Variants in AUTS2 observed in about 807,000 individuals in gnomAD.
AUTS2 encodes the protein autism susceptibility gene 2 protein.
Under a neutral mutation model 112.4 loss-of-function variants are expected in AUTS2, and 17 were observed. The observed-to-expected ratio is 0.15, with a 90% CI of 0.10 to 0.23. The LOEUF (loss-of-function observed/expected upper bound fraction) is 0.23, where lower values mean the gene tolerates loss of function less well. Ranked by LOEUF, AUTS2 falls within the 10% of genes least tolerant of loss-of-function variation. AUTS2 has a pLI of 1.00. For synonymous variants in AUTS2, 751 were observed against 702.7 expected (o/e 1.07, Z -1.09); for missense variants, 1,510 against 1,701.6 (o/e 0.89, Z 1.98).
chr7:70,307,966 T>G (rs145200731), intron 4 of AUTS2, among the ~76,000 whole-genome samples: 1 of 152,206 alleles, frequency 6.6e-6, no homozygotes, highest in Non-Finnish European at 1.5e-5. Context: ...ACCTGTTGAA[T>G]AAGTAAGTAG....
At chr7:69,760,332 G>A (rs550366362) in intron 1 of AUTS2, among the ~76,000 whole-genome samples, 8 of 151,158 alleles carry the variant, frequency 5.3e-5, no homozygotes, top group Non-Finnish European at 1.2e-4. Context: ...ATCGCACCTG[G>A]CCTCTTAATG....
At chr7:70,148,737 C>CA (rs1233781224) in intron 4 of AUTS2, among the ~76,000 whole-genome samples, 3 of 151,090 alleles carry the variant, frequency 2.0e-5, no homozygotes, top group Non-Finnish European at 4.4e-5. Context: ...AAAAGTAAAA[C>CA]AAAAAACGGT....
At chr7:70,308,303 T>G (rs543690555) in intron 4 of AUTS2, among the ~76,000 whole-genome samples, 2 of 152,318 alleles carry the variant, frequency 1.3e-5, no homozygotes, top group South Asian at 4.2e-4. Flanking sequence ...TTCACTCTTC[T>G]TAATTTTCTG....
intron 2 of AUTS2, among the ~76,000 whole-genome samples, chr7:70,100,512 T>C (rs1219793359): frequency 6.6e-6 from 1 of 151,992 alleles, no homozygotes; most frequent in Non-Finnish European, 1.5e-5. Context: ...CTGTGTCATG[T>C]TGGTTTGTTG....
intron 4 of AUTS2, among the ~76,000 whole-genome samples, chr7:70,166,922 T>G: frequency 6.6e-6 from 1 of 152,208 alleles, no homozygotes; most frequent in East Asian, 1.9e-4. Context: ...GAAAACAGTA[T>G]GTCATGCAAA....
intron 2 of AUTS2, among the ~76,000 whole-genome samples, chr7:69,983,273 C>T (rs1798370317): frequency 1.3e-5 from 2 of 151,586 alleles, no homozygotes; most frequent in Admixed American, 6.6e-5. Flanking sequence ...TGGCATTTCT[C>T]ACAATCTCTG....
At chr7:69,871,456 A>C (rs1306521507) in intron 1 of AUTS2, among the ~76,000 whole-genome samples, 1 of 152,186 alleles carries the variant, frequency 6.6e-6, no homozygotes, top group Admixed American at 6.5e-5. Flanking sequence ...CCCTGTATAT[A>C]CTATGCTTTT....
intron 4 of AUTS2, among the ~76,000 whole-genome samples, chr7:70,262,406 T>C (rs1787214004): frequency 6.6e-6 from 1 of 152,180 alleles, no homozygotes; most frequent in Non-Finnish European, 1.5e-5. Context: ...GAAAGGCTTG[T>C]CTCAAACTCC....
rs1289630665 is a variant in AUTS2 at position 70,790,910 on chromosome 7, G to T, written c.3694G>T (p.Val1232Phe). The T allele has an allele frequency of 3.8e-6, 6 of 1,585,260 alleles. No individual in the cohort carries two copies. Among genetic ancestry groups the T allele is most frequent in the Non-Finnish European group, 4.3e-6 (5 of 1,165,802 alleles). ...CATCTCCACGCTGGGGGGCCGCCCG[G>T]TCTCTCCCAGAAGGACGACTCCTCT... The part of the protein sequence containing the change: ...PLISTLGGRP[V>F]SPRRTTPLSA... The change falls in exon 19 of 19, where the codon GTC becomes TTC. Residue 1232 changes from valine (V) to phenylalanine (F), a missense_variant. By Grantham distance (50) the Val-to-Phe change is conservative. This residue lies in a region of AUTS2 where 788 missense variants were observed against 797.6 expected (regional missense o/e 0.99). Transcript: ENST00000342771. This position sits in a 1 kb window ranked among gnomAD's most constrained non-coding sequence, Gnocchi z 7.6.
intron 6 of AUTS2, among the ~76,000 whole-genome samples, chr7:70,728,856 G>A (rs2129552357): frequency 6.6e-6 from 1 of 152,234 alleles, no homozygotes; most frequent in East Asian, 1.9e-4. Context: ...GAGTGCCAAG[G>A]CAGCCTGCAT....
In AUTS2 at chr7:70,418,103, G is replaced by GTGTGTGTGTC. The variant is rs1554396538; in HGVS notation, c.661-17639_661-17630dup. Among the ~76,000 whole-genome samples the GTGTGTGTGTC allele has an allele frequency of 9.3e-3, 1,380 of 149,076 alleles. 37 individuals carry two copies. In the East Asian group the frequency reaches 0.097, roughly 10 times the overall value. ...TGTGTGTGTGTGTGTGTGTGTGTGT[G>GTGTGTGTGTC]TGTGTGTGTCTGTGTGTGTAGACGG... On this transcript the variant is annotated intron_variant, in intron 4 of 18. Transcript: ENST00000342771.
At chr7:70,745,092 T>TCC (rs1380481341) in intron 6 of AUTS2, among the ~76,000 whole-genome samples, 2 of 152,112 alleles carry the variant, frequency 1.3e-5, no homozygotes, top group African/African-American at 4.8e-5. Context: ...TTGAGAAAAG[T>TCC]CCTTATTATA....
chr7:70,205,323 C>T (rs1810516301), intron 4 of AUTS2, among the ~76,000 whole-genome samples: 1 of 152,140 alleles, frequency 6.6e-6, no homozygotes, highest in Non-Finnish European at 1.5e-5. Context: ...GCTGCAATCA[C>T]TTAATCCTTT....
chr7:70,040,216 A>G (rs1270714038), intron 2 of AUTS2, among the ~76,000 whole-genome samples: 1 of 152,188 alleles, frequency 6.6e-6, no homozygotes, highest in Admixed American at 6.5e-5. Flanking sequence ...AAGTTGTGAT[A>G]ATGATGTGTC....
intron 4 of AUTS2, among the ~76,000 whole-genome samples, chr7:70,284,002 G>C (rs905104329): frequency 6.6e-6 from 1 of 152,008 alleles, no homozygotes; most frequent in Admixed American, 6.6e-5. Context: ...TTCTTGGATG[G>C]TGTCTCTCAT....
At chr7:70,116,828 T>C (rs1378262497) in intron 2 of AUTS2, among the ~76,000 whole-genome samples, 1 of 152,238 alleles carries the variant, frequency 6.6e-6, no homozygotes. Context: ...ATGTATTTCC[T>C]TGTGGTGTTG....
intron 2 of AUTS2, among the ~76,000 whole-genome samples, chr7:70,016,010 A>G (rs1470140499): frequency 2.6e-5 from 4 of 152,176 alleles, no homozygotes; most frequent in Admixed American, 6.5e-5. Context: ...AAACAGGACT[A>G]CTTGGTTTCA....
chr7:70,409,070 C>G (rs1485618295), intron 4 of AUTS2, among the ~76,000 whole-genome samples: 1 of 152,182 alleles, frequency 6.6e-6, no homozygotes, highest in Non-Finnish European at 1.5e-5. Context: ...CAGTGGTATG[C>G]ATGCCCCTGA....
At chr7:69,835,750 G>C (rs965392421) in intron 1 of AUTS2, among the ~76,000 whole-genome samples, 7 of 152,176 alleles carry the variant, frequency 4.6e-5, no homozygotes, top group African/African-American at 1.7e-4. Flanking sequence ...TAGATTGCTG[G>C]TTTTATTAGG....
Sources: allele counts gnomAD v4.1 joint callset (sites outside exome capture counted in the v4.1 genomes callset), GRCh38; gene constraint gnomAD v4.1.1; regional missense constraint gnomAD v4.1.1; non-coding constraint Gnocchi (gnomAD v3.1); transcripts MANE v1.5; gene names NCBI Gene and HGNC (gene_info 2026-07-23, HGNC 2026-07-21).